IL1RAPL2: variants seen among roughly 807,000 people sequenced by gnomAD.
IL1RAPL2 encodes the protein X-linked interleukin-1 receptor accessory protein-like 2.
A neutral mutation model predicts 44.1 loss-of-function variants in IL1RAPL2; 3 were observed. The ratio of observed to expected loss-of-function variants is 0.07; its 90% CI spans 0.03 to 0.18. The LOEUF (loss-of-function observed/expected upper bound fraction) is 0.18. IL1RAPL2 is among the 10% of genes least tolerant of loss of function. The pLI, the probability that IL1RAPL2 is intolerant of heterozygous loss-of-function variation, is 1.00. For synonymous variants in IL1RAPL2, 181 were observed against 178.8 expected (o/e 1.01, Z -0.10); for missense variants, 391 against 496.4 (o/e 0.79, Z 2.02).
chrX:105,508,668 C>CTT (rs770575995), intron 6 of IL1RAPL2, among the ~76,000 whole-genome samples: 1 of 100,355 alleles, frequency 1.0e-5, no homozygotes, highest in Non-Finnish European at 2.0e-5. Flanking sequence ...AAAATGAAAG[C>CTT]TTTTTTTTTT....
At chrX:104,684,945 A>G (rs1429896370) in intron 2 of IL1RAPL2, among the ~76,000 whole-genome samples, 2 of 111,939 alleles carry the variant, frequency 1.8e-5, no homozygotes, top group Non-Finnish European at 3.8e-5. Context: ...TTCCTCTTCA[A>G]CTCAAGGGTC....
chrX:105,507,515 A>T (rs2036439387), intron 6 of IL1RAPL2, among the ~76,000 whole-genome samples: 1 of 111,853 alleles, frequency 8.9e-6, no homozygotes, highest in South Asian at 3.7e-4. Flanking sequence ...GTGATTTAAA[A>T]GACTGTGCAT....
At chrX:104,923,345 G>A (rs1049778651) in intron 2 of IL1RAPL2, among the ~76,000 whole-genome samples, 1 of 111,586 alleles carries the variant, frequency 9.0e-6, no homozygotes, top group Non-Finnish European at 1.9e-5. Context: ...ACATTGCCAA[G>A]GCATATAGTC....
chrX:105,667,393 T>C (rs1372625372), intron 6 of IL1RAPL2, among the ~76,000 whole-genome samples: 1 of 112,423 alleles, frequency 8.9e-6, no homozygotes, highest in Admixed American at 9.4e-5. Context: ...AATGGCGTTT[T>C]ACTGATTCCC....
intron 2 of IL1RAPL2, among the ~76,000 whole-genome samples, chrX:104,710,233 C>A (rs1435368512): frequency 9.0e-6 from 1 of 110,988 alleles, no homozygotes; most frequent in Non-Finnish European, 1.9e-5. Flanking sequence ...TGCAAATGGG[C>A]CAAAAGTTTA....
intron 2 of IL1RAPL2, among the ~76,000 whole-genome samples, chrX:104,934,183 CTT>C (rs1162242086): frequency 2.7e-5 from 3 of 109,944 alleles, no homozygotes; most frequent in African/African-American, 9.9e-5. Flanking sequence ...ATTCTGGACT[CTT>C]TCCTCATATA....
At chrX:105,529,372 C>CA (rs2036616636) in intron 6 of IL1RAPL2, among the ~76,000 whole-genome samples, 1 of 111,252 alleles carries the variant, frequency 9.0e-6, no homozygotes, top group Non-Finnish European at 1.9e-5. Flanking sequence ...CTCTGTTCCT[C>CA]AAAATATTTC....
intron 2 of IL1RAPL2, among the ~76,000 whole-genome samples, chrX:104,948,993 G>C (rs1925481586): frequency 9.1e-6 from 1 of 109,586 alleles, no homozygotes; most frequent in South Asian, 4.0e-4. Context: ...AGAAGGAATG[G>C]TACCAGTTCC....
intron 6 of IL1RAPL2, among the ~76,000 whole-genome samples, chrX:105,614,094 A>G (rs2037356084): frequency 8.9e-6 from 1 of 112,097 alleles, no homozygotes; most frequent in South Asian, 3.7e-4. Flanking sequence ...GCAAACAATA[A>G]AACTAAATAC....
chrX:104,591,355 A>T (rs1363548448), intron 1 of IL1RAPL2, among the ~76,000 whole-genome samples: 1 of 111,778 alleles, frequency 8.9e-6, no homozygotes, highest in African/African-American at 3.3e-5. Context: ...CAAGCACTAC[A>T]GTGGATTTCC....
chrX:105,088,399 T>C (rs897447234), intron 2 of IL1RAPL2, among the ~76,000 whole-genome samples: 4 of 112,023 alleles, frequency 3.6e-5, no homozygotes, highest in African/African-American at 9.7e-5. Flanking sequence ...AGCATTTCTG[T>C]TTATTCCATT....
chrX:105,199,986 G>A lies in IL1RAPL2; in HGVS notation c.356+4238G>A, dbSNP rs1466752664. Among the ~76,000 whole-genome samples, 4 of 111,348 alleles carry A rather than the reference G, an allele frequency of 3.6e-5. No homozygotes were observed. In the East Asian group the frequency reaches 1.1e-3, roughly 31 times the overall value. ...ATAATGAACCTGTTTTTCATATCTA[G>A]TAGTGGCCACTGACTTCTACTATGT... On this transcript the variant is annotated intron_variant, in intron 3 of 10. Transcript: ENST00000372582.
intron 6 of IL1RAPL2, among the ~76,000 whole-genome samples, chrX:105,537,595 A>G (rs1316306250): frequency 1.8e-5 from 2 of 111,888 alleles, no homozygotes; most frequent in Admixed American, 9.5e-5. Flanking sequence ...CATTCAATCA[A>G]TACTGCTTGA....
intron 5 of IL1RAPL2, among the ~76,000 whole-genome samples, chrX:105,269,287 G>A (rs904313306): frequency 1.8e-5 from 2 of 110,690 alleles, no homozygotes; most frequent in Admixed American, 9.7e-5. Context: ...GAGTTAAGTT[G>A]ATTGCTACAA....
intron 2 of IL1RAPL2, among the ~76,000 whole-genome samples, chrX:104,820,358 C>T (rs1569320531): frequency 8.9e-6 from 1 of 111,775 alleles, no homozygotes; most frequent in Non-Finnish European, 1.9e-5. Context: ...AGGATTTAGG[C>T]TTTTTTGGTT....
chrX:105,379,676 T>C (rs1453950249), intron 5 of IL1RAPL2, among the ~76,000 whole-genome samples: 1 of 111,634 alleles, frequency 9.0e-6, no homozygotes, highest in Non-Finnish European at 1.9e-5. Context: ...GTACAGTCAC[T>C]TAGCCTGTTG....
chrX:104,951,465 A>G (rs1490855467), intron 2 of IL1RAPL2, among the ~76,000 whole-genome samples: 13 of 112,575 alleles, frequency 1.2e-4, no homozygotes, highest in Non-Finnish European at 1.9e-4. Flanking sequence ...ATGTAAAATC[A>G]TTCATATTCA....
intron 2 of IL1RAPL2, among the ~76,000 whole-genome samples, chrX:104,974,126 A>G (rs2030289189): frequency 9.0e-6 from 1 of 111,599 alleles, no homozygotes; most frequent in African/African-American, 3.3e-5. Context: ...CTATTCCACA[A>G]TTTTAAGATT....
At chrX:104,732,021 G>C (rs1246218576) in intron 2 of IL1RAPL2, among the ~76,000 whole-genome samples, 1 of 111,672 alleles carries the variant, frequency 9.0e-6, no homozygotes. Flanking sequence ...ATAGCAAAAA[G>C]TCCTTGTTAA....
Sources: allele counts gnomAD v4.1 joint callset (sites outside exome capture counted in the v4.1 genomes callset), GRCh38; gene constraint gnomAD v4.1.1; transcripts MANE v1.5; gene names NCBI Gene and HGNC (gene_info 2026-07-23, HGNC 2026-07-21).